The following PDILT variants were observed in gnomAD, a reference collection of about 807,000 sequenced individuals.
PDILT encodes protein disulfide isomerase like, testis expressed.
A neutral mutation model predicts 53.7 loss-of-function variants in PDILT; 43 were observed. The ratio of observed to expected loss-of-function variants is 0.80; its 90% CI spans 0.63 to 1.03. The LOEUF (loss-of-function observed/expected upper bound fraction) is 1.03, where lower values mean the gene tolerates loss of function less well. PDILT is among the 50% of genes least tolerant of loss of function. The pLI, the probability that PDILT is intolerant of heterozygous loss-of-function variation, is 0.00. For missense variants in PDILT, 727 were observed against 712.3 expected (o/e 1.02, Z -0.24); for synonymous variants, 282 against 274.2 (o/e 1.03, Z -0.28).
At chr16:20,374,498 A>T (rs1966354751) in intron 5 of PDILT, among the ~76,000 whole-genome samples, 1 of 152,142 alleles carries the variant, frequency 6.6e-6, no homozygotes, top group Non-Finnish European at 1.5e-5. Context: ...ATCTCACTGG[A>T]GATGGATATT....
intron 1 of PDILT, among the ~76,000 whole-genome samples, chr16:20,402,457 C>T (rs112603923): frequency 7.5e-4 from 114 of 152,270 alleles, no homozygotes; most frequent in African/African-American, 2.6e-3. Context: ...TGCCATCATG[C>T]CCGGCTAATT....
intron 9 of PDILT, 148 bp downstream of exon 9, chr16:20,365,272 T>C (rs1966172722): frequency 1.2e-6 from 1 of 844,630 alleles, no homozygotes; most frequent in Non-Finnish European, 1.9e-6. Context: ...GATAGCATCT[T>C]GAGTCAATCC....
At chr16:20,361,614 C>T (rs1207467547) in intron 10 of PDILT, among the ~76,000 whole-genome samples, 1 of 152,222 alleles carries the variant, frequency 6.6e-6, no homozygotes, top group Admixed American at 6.5e-5. Flanking sequence ...AACTCCCCGA[C>T]ATGCATCCTC....
intron 3 of PDILT, 82 bp downstream of exon 3, chr16:20,384,563 C>G: frequency 6.5e-7 from 1 of 1,541,204 alleles, no homozygotes; most frequent in Admixed American, 1.7e-5. Flanking sequence ...CTGCATGGAG[C>G]AGAGCCTCCC....
chr16:20,365,602 C>T (rs1966179554), intron 8 of PDILT, 62 bp from the exon 9 acceptor site: 4 of 1,572,234 alleles, frequency 2.5e-6, no homozygotes, highest in African/African-American at 2.7e-5. Context: ...TGTGGGGCTC[C>T]CCACCTTGAT....
chr16:20,371,593 G>A lies in PDILT; in HGVS notation c.918+1209C>T, dbSNP rs114138467. On this transcript the variant is annotated intron_variant, in intron 7 of 11. Transcript: ENST00000302451. ...AACAGTATTAATTCAACTGTTTAGC[G>A]TTGTCTGTGAAATGGATCACAGTCT... 1.1e-3 allele frequency among the ~76,000 whole-genome samples: 171 copies of A among 152,284 alleles called. 2 individuals carry two copies. Among genetic ancestry groups the A allele is most frequent in the African/African-American group, 2.8e-3 (115 of 41,568 alleles).
chr16:20,367,978 G>A (rs182353518), intron 8 of PDILT, among the ~76,000 whole-genome samples: 10 of 152,210 alleles, frequency 6.6e-5, no homozygotes, highest in Non-Finnish European at 1.5e-4. Flanking sequence ...AGGAGGTAAG[G>A]GAATCATCAT....
Position 20,374,849 on chromosome 16 carries a change from G to C in PDILT, c.654C>G (p.Thr218=), listed in dbSNP as rs552599285. 6.2e-7 allele frequency: 1 copy of C among 1,613,918 alleles called. No individual in the cohort carries two copies. The highest frequency in any genetic ancestry group is 1.7e-5 in the Admixed American group (1 of 59,990). Residue 218 remains threonine, a synonymous_variant, in exon 5 of 12, where the codon ACC becomes ACG. Transcript: ENST00000302451. ...IGNVIGRFHV[T]LDSVLVFKKG... ...TTTTGAACACCAGGACGCTGTCAAG[G>C]GTGACGTGGAAACGCCCAATGACAT... is the stretch of plus-strand genomic sequence containing the variant.
intron 3 of PDILT, among the ~76,000 whole-genome samples, chr16:20,383,618 T>C (rs1310790297): frequency 1.3e-5 from 2 of 152,210 alleles, no homozygotes; most frequent in African/African-American, 4.8e-5. Flanking sequence ...CAAAGCATCC[T>C]GCAGCCCCTG....
chr16:20,360,157 TG>T (rs1248523822), intron 11 of PDILT, among the ~76,000 whole-genome samples: 1 of 151,882 alleles, frequency 6.6e-6, no homozygotes, highest in Admixed American at 6.5e-5. Context: ...AAATTTCCAG[TG>T]GAAGTCTTAA....
At position 20,370,648 on chromosome 16, in the gene PDILT, T is replaced by G. The variant is rs114144574; in HGVS notation, c.919-959A>C. Among the ~76,000 whole-genome samples, 1,075 of 152,282 alleles carry G rather than the reference T, an allele frequency of 7.1e-3. 17 individuals are homozygous for G. The highest frequency in any genetic ancestry group is 0.025 in the African/African-American group (1,041 of 41,546). Reference sequence around the variant, plus strand: ...CATCTTGAATACAGGCTGGGTAAAATGAGGCTGAGACCTACGGGGCTCCTT... The same window carrying G: ...CATCTTGAATACAGGCTGGGTAAAAGGAGGCTGAGACCTACGGGGCTCCTT... On this transcript the variant is annotated intron_variant, in intron 7 of 11. Coordinates refer to ENST00000302451, the MANE Select transcript of PDILT (RefSeq NM_174924.2).
At chr16:20,382,382 CTT>C (rs1207729916) in intron 3 of PDILT, among the ~76,000 whole-genome samples, 2 of 152,186 alleles carry the variant, frequency 1.3e-5, no homozygotes, top group African/African-American at 4.8e-5. Flanking sequence ...ATAAATAAAA[CTT>C]TATTGGAACA....
chr16:20,361,787 C>T (rs891637598), intron 10 of PDILT, among the ~76,000 whole-genome samples: 1 of 152,182 alleles, frequency 6.6e-6, no homozygotes, highest in Non-Finnish European at 1.5e-5. Flanking sequence ...AGTCCTGGGT[C>T]TGCATGGAGA....
At chr16:20,392,696 T>C (rs1244399943) in intron 2 of PDILT, among the ~76,000 whole-genome samples, 1 of 152,216 alleles carries the variant, frequency 6.6e-6, no homozygotes, top group East Asian at 1.9e-4. Flanking sequence ...AGAAAATTTC[T>C]GCTGTTGTTG....
At chr16:20,359,685 G>C (rs1387363198) in intron 11 of PDILT, 118 bp from the exon 12 acceptor site, 12 of 1,027,478 alleles carry the variant, frequency 1.2e-5, no homozygotes, top group Non-Finnish European at 1.7e-5. Flanking sequence ...TTTTCTGAAA[G>C]TGCCCAGAGA....
rs1240165686 is a variant in PDILT, at chr16:20,373,073, T to C, written c.731A>G (p.Gln244Arg). The change falls in exon 6 of 12, where the codon CAG becomes CGG. Residue 244 changes from glutamine to arginine, a missense_variant. Gln to Arg is a conservative substitution (Grantham distance 43). Transcript: ENST00000302451. Reference protein sequence around the residue: ...QKLINDSTNKQELNRVIKQHL... With the variant: ...QKLINDSTNKRELNRVIKQHL... The stretch of plus-strand genomic sequence containing the variant: ...CTGTTTTATGACACGATTGAGTTCC[T>C]GTTTGTTGGTACTGTCATTAATAAG... The C allele has an allele frequency of 3.1e-6, 5 of 1,614,058 alleles. No individual in the cohort carries two copies. Among genetic ancestry groups the C allele is most frequent in the African/African-American group, 2.7e-5 (2 of 74,934 alleles).
intron 8 of PDILT, among the ~76,000 whole-genome samples, chr16:20,367,933 T>G (rs1242137634): frequency 6.6e-6 from 1 of 151,962 alleles, no homozygotes. Context: ...GTGAGTACTA[T>G]GGGGTATACA....
chr16:20,382,377 T>A (rs1280389415), intron 3 of PDILT, among the ~76,000 whole-genome samples: 2 of 152,214 alleles, frequency 1.3e-5, no homozygotes, highest in Non-Finnish European at 2.9e-5. Context: ...ACTGTATAAA[T>A]AAAACTTTAT....
intron 3 of PDILT, among the ~76,000 whole-genome samples, chr16:20,379,861 C>T (rs73543354): frequency 0.023 from 3,462 of 152,296 alleles, 51 homozygotes; most frequent in African/African-American, 0.039. Context: ...CCTTGGTACC[C>T]CACATCTGCT....
Sources: gnomAD v4.1 joint callset for allele counts (sites outside exome capture counted in the v4.1 genomes callset) on GRCh38, gnomAD v4.1.1 for gene constraint, MANE v1.5 for transcripts, NCBI Gene and HGNC (gene_info 2026-07-23, HGNC 2026-07-21) for gene names.